CTNND2: variants seen among roughly 807,000 people sequenced by gnomAD.
CTNND2 encodes the protein catenin delta-2.
Under a neutral mutation model 144.4 loss-of-function variants are expected in CTNND2, and 22 were observed. The ratio of observed to expected loss-of-function variants is 0.15; its 90% CI spans 0.11 to 0.22. The LOEUF is 0.22. Ranked by LOEUF, CTNND2 falls within the 10% of genes least tolerant of loss-of-function variation. The pLI, the probability that CTNND2 is intolerant of heterozygous loss-of-function variation, is 1.00. For missense variants in CTNND2, 1,353 were observed against 1,618.8 expected (o/e 0.84, Z 2.82); for synonymous variants, 751 against 695.6 (o/e 1.08, Z -1.25).
At chr5:11,540,054 T>A (rs1014132655) in intron 3 of CTNND2, among the ~76,000 whole-genome samples, 2 of 151,966 alleles carry the variant, frequency 1.3e-5, no homozygotes, top group African/African-American at 4.8e-5. Context: ...AATTAAAAAT[T>A]AAAAATAAAC....
At chr5:11,163,846 A>G (rs1182790871) in intron 11 of CTNND2, among the ~76,000 whole-genome samples, 2 of 152,230 alleles carry the variant, frequency 1.3e-5, no homozygotes, top group African/African-American at 4.8e-5. Flanking sequence ...TTGCAATTCA[A>G]TAAGTGACCC....
chr5:11,286,370 A>G (rs1351960454), intron 9 of CTNND2, among the ~76,000 whole-genome samples: 3 of 152,222 alleles, frequency 2.0e-5, no homozygotes, highest in Non-Finnish European at 4.4e-5. Flanking sequence ...AATACTTCAC[A>G]TGTCTTAAGT....
chr5:11,667,494 G>A (rs1276777876), intron 2 of CTNND2, among the ~76,000 whole-genome samples: 1 of 152,144 alleles, frequency 6.6e-6, no homozygotes, highest in Non-Finnish European at 1.5e-5. Context: ...TTGTGGTTTT[G>A]ATTGCATTTC....
chr5:11,096,128 G>A (rs543457453), intron 15 of CTNND2, among the ~76,000 whole-genome samples: 6 of 151,946 alleles, frequency 3.9e-5, no homozygotes, highest in East Asian at 1.9e-4. Flanking sequence ...ATAATCTGCT[G>A]TTAATCCCAT....
chr5:11,415,377 G>T (rs1249520772), intron 3 of CTNND2, among the ~76,000 whole-genome samples: 1 of 152,140 alleles, frequency 6.6e-6, no homozygotes, highest in African/African-American at 2.4e-5. Flanking sequence ...GCTGAAGCAG[G>T]GGGATGGTTT....
chr5:11,442,689 G>T (rs1460731582), intron 3 of CTNND2, among the ~76,000 whole-genome samples: 1 of 151,328 alleles, frequency 6.6e-6, no homozygotes, highest in Non-Finnish European at 1.5e-5. Context: ...GAAGTGTAAG[G>T]AAAGAGACTT....
intron 3 of CTNND2, among the ~76,000 whole-genome samples, chr5:11,493,232 A>AT (rs142637664): frequency 2.6e-5 from 4 of 152,216 alleles, no homozygotes; most frequent in Non-Finnish European, 5.9e-5. Context: ...AAGCAAAGGG[A>AT]TGGGGTTATG....
chr5:11,831,059 T>C (rs1793873186), intron 1 of CTNND2, among the ~76,000 whole-genome samples: 1 of 152,152 alleles, frequency 6.6e-6, no homozygotes, highest in African/African-American at 2.4e-5. Flanking sequence ...TTTGTGTGTG[T>C]GTGTTTATGT....
chr5:11,370,108 T>C (rs1267816069), intron 7 of CTNND2, among the ~76,000 whole-genome samples: 1 of 152,046 alleles, frequency 6.6e-6, no homozygotes, highest in Non-Finnish European at 1.5e-5. Flanking sequence ...ATTTGCAGCA[T>C]TCAATGGGAG....
rs371104157 is a variant in CTNND2 at position 11,531,015 on chromosome 5, G to A, written c.287+33929C>T. On this transcript the variant is annotated intron_variant, in intron 3 of 21. Transcript: ENST00000304623. ...CACGGCTTTGTCTCCTGCAAGCAACGAAAATAACATCCTGCAGACATAACT... is the reference window on the plus strand; with the variant it reads ...CACGGCTTTGTCTCCTGCAAGCAACAAAAATAACATCCTGCAGACATAACT... 1.6e-4 allele frequency among the ~76,000 whole-genome samples: 25 copies of A among 152,276 alleles called. No individual in the cohort carries two copies. The East Asian group carries it at 4.4e-3, about 27-fold the overall frequency.
rs10627159 is a variant in CTNND2, at chr5:11,330,483, CAAAAAAAA to C, written c.1628+15881_1628+15888del. On this transcript the variant is annotated intron_variant, in intron 9 of 21. Coordinates refer to ENST00000304623, the MANE Select transcript of CTNND2 (RefSeq NM_001332.4). ...TGGGTGACAGAGAGAGACTCCGTCTCAAAAAAAAAAAAAAAAAAAAAAAAAAGAAAGGA... is the reference window on the plus strand; with the variant it reads ...TGGGTGACAGAGAGAGACTCCGTCTCAAAAAAAAAAAAAAAAAAGAAAGGA... Among the ~76,000 whole-genome samples the C allele has an allele frequency of 6.9e-4, 30 of 43,458 alleles. No homozygotes were observed. The East Asian group carries it at 0.018, about 25-fold the overall frequency. The allele number at this position is 43,458 out of a possible 152,430, so 28.5% of individuals were successfully genotyped here.
intron 9 of CTNND2, among the ~76,000 whole-genome samples, chr5:11,301,826 T>C (rs537599794): frequency 6.6e-6 from 1 of 152,248 alleles, no homozygotes; most frequent in South Asian, 2.1e-4. Flanking sequence ...GGGGGAAAAA[T>C]AGATTCAAAT....
At chr5:11,896,057 C>T (rs1401797128) in intron 1 of CTNND2, among the ~76,000 whole-genome samples, 1 of 152,026 alleles carries the variant, frequency 6.6e-6, no homozygotes, top group Admixed American at 6.5e-5. Context: ...TATCAACAAC[C>T]TTGAAAACAT....
At chr5:11,683,866 G>C (rs939587835) in intron 2 of CTNND2, among the ~76,000 whole-genome samples, 7 of 152,158 alleles carry the variant, frequency 4.6e-5, no homozygotes, top group African/African-American at 1.4e-4. Flanking sequence ...CTGAGTCCTG[G>C]AGCGCTGCCC....
chr5:11,773,483 T>G (rs1390482143), intron 1 of CTNND2, among the ~76,000 whole-genome samples: 1 of 152,220 alleles, frequency 6.6e-6, no homozygotes, highest in African/African-American at 2.4e-5. Flanking sequence ...ACTTATTTTT[T>G]CTTTACAAGT....
chr5:11,042,373 G>C (rs531268908), intron 16 of CTNND2, among the ~76,000 whole-genome samples: 1 of 152,316 alleles, frequency 6.6e-6, no homozygotes, highest in South Asian at 2.1e-4. Context: ...AAATGCATCT[G>C]TCTTGTTCTT....
At chr5:11,304,015 G>C (rs1384599497) in intron 9 of CTNND2, among the ~76,000 whole-genome samples, 5 of 152,060 alleles carry the variant, frequency 3.3e-5, no homozygotes, top group Admixed American at 6.6e-5. Flanking sequence ...CTTGCCTGCC[G>C]CCATGTAAGA....
intron 9 of CTNND2, among the ~76,000 whole-genome samples, chr5:11,242,796 A>T (rs1175386299): frequency 1.3e-5 from 2 of 152,182 alleles, no homozygotes; most frequent in Non-Finnish European, 2.9e-5. Context: ...AGAAGTTCAG[A>T]ATTTGAACAT....
chr5:11,883,843 T>C (rs1235832168), intron 1 of CTNND2, among the ~76,000 whole-genome samples: 1 of 152,206 alleles, frequency 6.6e-6, no homozygotes, highest in Non-Finnish European at 1.5e-5. Context: ...CCAGCATCTG[T>C]TGTTTCCTGA....
Sources: gnomAD v4.1 joint callset for allele counts (sites outside exome capture counted in the v4.1 genomes callset) on GRCh38, gnomAD v4.1.1 for gene constraint, MANE v1.5 for transcripts, NCBI Gene and HGNC (gene_info 2026-07-23, HGNC 2026-07-21) for gene names.